CASS4: variants seen among roughly 807,000 people sequenced by gnomAD.
CASS4 encodes the protein cas scaffolding protein family member 4.
CASS4 carries 22 observed loss-of-function variants against 54.2 expected under a neutral mutation model. The ratio of observed to expected loss-of-function variants is 0.41; its 90% confidence interval spans 0.29 to 0.58. The LOEUF is 0.58. Ranked by LOEUF, CASS4 falls within the 20% of genes least tolerant of loss-of-function variation. The pLI, the probability that CASS4 is intolerant of heterozygous loss-of-function variation, is 0.36. For synonymous variants in CASS4, 409 were observed against 391.5 expected (o/e 1.04, Z -0.53); for missense variants, 854 against 986.7 (o/e 0.87, Z 1.80).
Position 56,452,725 on chromosome 20 carries a change from C to T in CASS4, c.1549C>T (p.Arg517Trp), listed in dbSNP as rs533336238. The T allele has an allele frequency of 1.6e-4, 264 of 1,614,082 alleles. 4 individuals are homozygous for T. The South Asian group carries it at 2.7e-3, about 17-fold the overall frequency. ...TGACAGTAACCTTCAGAACAGAATT[C>T]GGGACCAGATGCAGACCATCTCCAA... ...LTDSNLQNRI[R>W]DQMQTISNSY... is the part of the protein sequence containing the mutation. Residue 517 changes from arginine to tryptophan, a missense_variant, in exon 5 of 6, where the codon CGG becomes TGG. Coordinates refer to ENST00000679887, the MANE Select transcript of CASS4 (RefSeq NM_020356.4).
intron 5 of CASS4, among the ~76,000 whole-genome samples, chr20:56,457,484 G>A (rs569732835): frequency 6.6e-6 from 1 of 152,194 alleles, no homozygotes; most frequent in South Asian, 2.1e-4. Flanking sequence ...ATTCATGAAT[G>A]TAAAATTTTG....
intron 1 of CASS4, among the ~76,000 whole-genome samples, chr20:56,416,612 C>T (rs1170168265): frequency 6.6e-6 from 1 of 151,898 alleles, no homozygotes; most frequent in African/African-American, 2.4e-5. Context: ...ATACACAGCC[C>T]TTTTTTCCCC....
intron 2 of CASS4, among the ~76,000 whole-genome samples, chr20:56,440,476 C>T (rs1285669396): frequency 1.3e-5 from 2 of 152,196 alleles, no homozygotes; most frequent in Non-Finnish European, 2.9e-5. Flanking sequence ...ACTTCACAAT[C>T]AGTTAAGTTT....
Position 56,452,165 on chromosome 20 carries a change from A to G in CASS4, c.989A>G (p.Lys330Arg). 1 of 1,614,182 alleles carries G rather than the reference A, an allele frequency of 6.2e-7. No homozygotes were observed. The highest frequency in any genetic ancestry group is 8.5e-7 in the Non-Finnish European group (1 of 1,180,032). The change falls in exon 5 of 6, where the codon AAG becomes AGG. Residue 330 changes from lysine (K) to arginine (R), a missense_variant. Coordinates refer to ENST00000679887, the MANE Select transcript of CASS4 (RefSeq NM_020356.4). ...CCTTTGGATGAAGATGTCAGCTACA[A>G]GGTTCCTTCAAGCTTTCTGATTCCC... ...TFPLDEDVSY[K>R]VPSSFLIPRV...
In CASS4 at chr20:56,432,707, A is replaced by G. The variant is rs1297311962; in HGVS notation, c.37-4457A>G. On this transcript the variant is annotated intron_variant, in intron 1 of 5. Transcript: ENST00000679887. ...TAATCAATACTCTTTATAAGACTCTAAAACTCTAGTCCCTTAAATACTTCA... is the reference window on the plus strand; with the variant it reads ...TAATCAATACTCTTTATAAGACTCTGAAACTCTAGTCCCTTAAATACTTCA... 3.3e-5 allele frequency among the ~76,000 whole-genome samples: 5 copies of G among 152,124 alleles called. No individual in the cohort carries two copies. In the South Asian group the frequency reaches 1.0e-3, roughly 32 times the overall value.
chr20:56,423,488 A>G (rs6014724), intron 1 of CASS4, among the ~76,000 whole-genome samples: 16,706 of 152,210 alleles, frequency 0.11, 1,189 homozygotes, highest in East Asian at 0.36. Flanking sequence ...TTTGTTTAGA[A>G]AGTTATATTC....
intron 2 of CASS4, among the ~76,000 whole-genome samples, chr20:56,445,265 A>G (rs770656987): frequency 6.6e-6 from 1 of 151,664 alleles, no homozygotes; most frequent in Non-Finnish European, 1.5e-5. Flanking sequence ...TCACTTTCAC[A>G]TTGCCAGGTT....
chr20:56,450,401 T>G (rs1048794423), intron 3 of CASS4, among the ~76,000 whole-genome samples, 198 bp from the exon 4 acceptor site: 1 of 152,210 alleles, frequency 6.6e-6, no homozygotes, highest in Non-Finnish European at 1.5e-5. Flanking sequence ...TGATGTCCCC[T>G]GCGTTGCCTC....
At chr20:56,422,415 TACA>T (rs2146266303) in intron 1 of CASS4, among the ~76,000 whole-genome samples, 1 of 152,338 alleles carries the variant, frequency 6.6e-6, no homozygotes, top group African/African-American at 2.4e-5. Context: ...TTGTCAGACA[TACA>T]GTAGGTGCTT....
chr20:56,428,806 A>G (rs1238483142), intron 1 of CASS4, among the ~76,000 whole-genome samples: 2 of 152,122 alleles, frequency 1.3e-5, no homozygotes, highest in African/African-American at 4.8e-5. Context: ...TGCGAGTTTG[A>G]ATCCCTGCTC....
At chr20:56,415,309 A>T (rs543881999) in intron 1 of CASS4, among the ~76,000 whole-genome samples, 1 of 152,060 alleles carries the variant, frequency 6.6e-6, no homozygotes, top group Non-Finnish European at 1.5e-5. Flanking sequence ...GTAGCAGCCT[A>T]TGTCATCTCA....
rs893153083 is a variant in CASS4 at position 56,412,920 on chromosome 20, G to A, written c.36+426G>A. Among the ~76,000 whole-genome samples the A allele has an allele frequency of 6.6e-5, 10 of 152,114 alleles. No homozygotes were observed. In the South Asian group the frequency reaches 1.0e-3, roughly 16 times the overall value. ...CCCAGACCCTTGCCTGCAGCCTCCC[G>A]TGCTGAGCCCACAGTGGGCACTTAC... On this transcript the variant is annotated intron_variant, in intron 1 of 5. Transcript: ENST00000679887. This position sits in a 1 kb window ranked among gnomAD's most constrained non-coding sequence, Gnocchi z 4.2.
At chr20:56,428,080 T>G (rs942700156) in intron 1 of CASS4, among the ~76,000 whole-genome samples, 2 of 152,238 alleles carry the variant, frequency 1.3e-5, no homozygotes, top group Non-Finnish European at 2.9e-5. Flanking sequence ...ACTGGTGACC[T>G]CACTGTATGA....
Position 56,446,440 on chromosome 20 carries a change from A to AT in CASS4, c.561+446dup, listed in dbSNP as rs931520287. ...TATGTATGTGTGTACATACACACACATTTTTTTAAATGATATTTTGAAGGA... is the reference window on the plus strand; with the variant it reads ...TATGTATGTGTGTACATACACACACATTTTTTTTAAATGATATTTTGAAGGA... On this transcript the variant is annotated intron_variant, in intron 3 of 5. Transcript: ENST00000679887. Among the ~76,000 whole-genome samples the AT allele has an allele frequency of 3.9e-5, 6 of 152,222 alleles. No homozygotes were observed. The East Asian group carries it at 7.7e-4, about 20-fold the overall frequency.
chr20:56,443,411 G>A (rs1046423784), intron 2 of CASS4, among the ~76,000 whole-genome samples: 8 of 145,240 alleles, frequency 5.5e-5, no homozygotes, highest in African/African-American at 2.1e-4. Context: ...GGAGGTTGCA[G>A]TAAGCCGAAA....
At position 56,440,818 on chromosome 20, in the gene CASS4, A is replaced by AG. The variant is rs1351506925; in HGVS notation, c.459+3239dup. 8.5e-5 allele frequency among the ~76,000 whole-genome samples: 13 copies of AG among 152,184 alleles called. No homozygotes were observed. In the South Asian group the frequency reaches 1.9e-3, roughly 22 times the overall value. On this transcript the variant is annotated intron_variant, in intron 2 of 5. Coordinates refer to ENST00000679887, the MANE Select transcript of CASS4 (RefSeq NM_020356.4). The stretch of plus-strand genomic sequence containing the variant: ...AACAACAGAAACCGCAAGGAAATTC[A>AG]GGGGGGGTCCCTTTAACCACTGAGC...
intron 1 of CASS4, among the ~76,000 whole-genome samples, chr20:56,419,777 T>A (rs922750636): frequency 6.7e-6 from 1 of 149,260 alleles, no homozygotes; most frequent in Non-Finnish European, 1.5e-5. Flanking sequence ...GCACAGTGGC[T>A]CATGCCTGTA....
intron 2 of CASS4, among the ~76,000 whole-genome samples, chr20:56,440,857 T>C (rs1298012699): frequency 1.3e-5 from 2 of 152,148 alleles, no homozygotes; most frequent in African/African-American, 4.8e-5. Context: ...GTTCTTGAGG[T>C]GGCCACAGTA....
intron 1 of CASS4, among the ~76,000 whole-genome samples, chr20:56,429,512 A>T (rs1298616601): frequency 6.6e-6 from 1 of 152,082 alleles, no homozygotes; most frequent in Non-Finnish European, 1.5e-5. Flanking sequence ...TATAAACAGC[A>T]TCCGCTATGG....
Sources: gnomAD v4.1 joint callset for allele counts (sites outside exome capture counted in the v4.1 genomes callset) on GRCh38, gnomAD v4.1.1 for gene constraint, Gnocchi (gnomAD v3.1) non-coding constraint, MANE v1.5 for transcripts, NCBI Gene and HGNC (gene_info 2026-07-23, HGNC 2026-07-21) for gene names.